NUP210L: variants seen among roughly 807,000 people sequenced by gnomAD.
NUP210L encodes nuclear pore membrane glycoprotein 210-like.
In NUP210L, 74 loss-of-function variants were observed where a neutral mutation model predicts 208.5. The ratio of observed to expected loss-of-function variants is 0.35; its 90% CI spans 0.29 to 0.43. The LOEUF is 0.43. Among genes scored for constraint, NUP210L ranks in the 20% least tolerant of loss-of-function variants. NUP210L has a pLI of 1.00. For synonymous variants in NUP210L, 780 were observed against 816.9 expected (o/e 0.95, Z 0.77); for missense variants, 1,843 against 2,289.4 (o/e 0.81, Z 3.98).
At chr1:154,018,803 A>C in intron 33 of NUP210L, 130 bp downstream of exon 33, 1 of 1,019,096 alleles carries the variant, frequency 9.8e-7, no homozygotes, top group South Asian at 1.6e-5. Context: ...GTTCCAGTAA[A>C]GTTTGCTGGC....
chr1:154,132,657 A>G (rs537280627), intron 7 of NUP210L, among the ~76,000 whole-genome samples: 9 of 152,092 alleles, frequency 5.9e-5, no homozygotes, highest in Admixed American at 2.0e-4. Flanking sequence ...AATATGGGGG[A>G]AAAAAAGAAC....
At chr1:154,048,317 C>A (rs1419100010) in intron 25 of NUP210L, among the ~76,000 whole-genome samples, 1 of 152,152 alleles carries the variant, frequency 6.6e-6, no homozygotes, top group Non-Finnish European at 1.5e-5. Flanking sequence ...AGGAATCCAG[C>A]AAGCTAGAAG....
chr1:154,105,331 A>C (rs1426449557), intron 12 of NUP210L, among the ~76,000 whole-genome samples: 1 of 152,126 alleles, frequency 6.6e-6, no homozygotes, highest in Non-Finnish European at 1.5e-5. Flanking sequence ...CTCTACTAAA[A>C]ATACAAAAAT....
chr1:154,051,237 T>C (rs957205984), intron 25 of NUP210L, among the ~76,000 whole-genome samples: 3 of 151,872 alleles, frequency 2.0e-5, no homozygotes, highest in Admixed American at 2.0e-4. Context: ...TGAGATGGAG[T>C]CTTGCTCTGT....
At chr1:154,061,597 T>G (rs1303456365) in exon 18 of NUP210L, 2 of 1,585,232 alleles carry the variant, frequency 1.3e-6, no homozygotes, top group Non-Finnish European at 1.7e-6. Flanking sequence ...TTTGGGCTTT[T>G]CTTCTCTGAA....
chr1:154,041,140 C>CT (rs2147962306), intron 27 of NUP210L, among the ~76,000 whole-genome samples: 1 of 151,696 alleles, frequency 6.6e-6, no homozygotes, highest in East Asian at 1.9e-4. Context: ...AATTTTAAAA[C>CT]TTTTTTAACA....
At chr1:154,026,183 C>T (rs906720886) in intron 29 of NUP210L, among the ~76,000 whole-genome samples, 5 of 151,890 alleles carry the variant, frequency 3.3e-5, no homozygotes, top group East Asian at 3.9e-4. Flanking sequence ...TGCAGTGAGC[C>T]GAGATGACAC....
chr1:154,149,636 G>A (rs1289097946), intron 2 of NUP210L, among the ~76,000 whole-genome samples: 2 of 152,160 alleles, frequency 1.3e-5, no homozygotes, highest in African/African-American at 2.4e-5. Flanking sequence ...TTGAGCCCAG[G>A]AGGTCATAGC....
intron 7 of NUP210L, among the ~76,000 whole-genome samples, chr1:154,130,508 G>A (rs993557552): frequency 2.4e-4 from 36 of 151,862 alleles, no homozygotes; most frequent in Middle Eastern, 3.4e-3. Context: ...CCTGACCTCA[G>A]GTGATCCACC....
At chr1:154,152,639 T>C in intron 2 of NUP210L, 97 bp downstream of exon 2, 1 of 1,116,940 alleles carries the variant, frequency 9.0e-7, no homozygotes, top group Admixed American at 2.0e-5. Flanking sequence ...CCTTTGATCA[T>C]TTGAAGCCAA....
At chr1:154,136,612 T>A (rs1318820340) in intron 6 of NUP210L, among the ~76,000 whole-genome samples, 1 of 151,654 alleles carries the variant, frequency 6.6e-6, no homozygotes, top group African/African-American at 2.4e-5. Flanking sequence ...AGCCAATACA[T>A]ACTTTAAAAG....
At chr1:154,129,283 A>C (rs962876511) in exon 8 of NUP210L, 3 of 1,599,612 alleles carry the variant, frequency 1.9e-6, no homozygotes, top group Admixed American at 3.4e-5. Flanking sequence ...ATACCTAAAA[A>C]TCCAGGCTCT....
At chr1:154,091,413 T>C (rs1053953162) in intron 15 of NUP210L, among the ~76,000 whole-genome samples, 6 of 151,800 alleles carry the variant, frequency 4.0e-5, no homozygotes, top group African/African-American at 1.5e-4. Flanking sequence ...GCATTATTCA[T>C]GATCACTAAA....
chr1:154,073,772 A>G (rs1455710285), intron 16 of NUP210L, among the ~76,000 whole-genome samples: 2 of 151,462 alleles, frequency 1.3e-5, no homozygotes, highest in East Asian at 1.9e-4. Flanking sequence ...CCGAGAATGG[A>G]CCACTGCACT....
chr1:154,116,088 T>A (rs1480710280), intron 12 of NUP210L, among the ~76,000 whole-genome samples: 2 of 151,954 alleles, frequency 1.3e-5, no homozygotes, highest in Non-Finnish European at 2.9e-5. Flanking sequence ...ACCCCATCTC[T>A]ATTAAAAATA....
At chr1:154,055,666 G>T (rs1653828660) in intron 23 of NUP210L, among the ~76,000 whole-genome samples, 1 of 152,100 alleles carries the variant, frequency 6.6e-6, no homozygotes, top group Non-Finnish European at 1.5e-5. Flanking sequence ...AAAGTGCTGG[G>T]ATTACAGGCA....
At chr1:154,067,216 C>G (rs183718086) in intron 17 of NUP210L, among the ~76,000 whole-genome samples, 1 of 152,128 alleles carries the variant, frequency 6.6e-6, no homozygotes, top group Non-Finnish European at 1.5e-5. Context: ...CAAACCGAAT[C>G]CAGCAGCACA....
intron 27 of NUP210L, among the ~76,000 whole-genome samples, chr1:154,042,834 C>A (rs1446082153): frequency 6.6e-6 from 1 of 151,842 alleles, no homozygotes; most frequent in Non-Finnish European, 1.5e-5. Flanking sequence ...GCCTCAGCCT[C>A]CTGAGTAGCT....
At chr1:154,059,506 CG>C (rs1654033788) in intron 20 of NUP210L, among the ~76,000 whole-genome samples, 1 of 151,920 alleles carries the variant, frequency 6.6e-6, no homozygotes, top group South Asian at 2.1e-4. Flanking sequence ...CTGAACAAAA[CG>C]AAACAAAAAC....
Sources: allele counts gnomAD v4.1 joint callset (sites outside exome capture counted in the v4.1 genomes callset), GRCh38; gene constraint gnomAD v4.1.1; transcripts MANE v1.5; gene names NCBI Gene and HGNC (gene_info 2026-07-23, HGNC 2026-07-21).